Variants in FAM117A observed in about 807,000 individuals in gnomAD.
FAM117A encodes family with sequence similarity 117 member A, also known as protein FAM117A.
Under a neutral mutation model 44.1 loss-of-function variants are expected in FAM117A, and 21 were observed. That is an observed-to-expected ratio of 0.48 (90% confidence interval 0.34 to 0.69). The LOEUF is 0.69. Among genes scored for constraint, FAM117A ranks in the 30% least tolerant of loss-of-function variants. The probability of loss-of-function intolerance (pLI) is 0.01; values close to 1 mark genes in which losing one functional copy is unlikely to be tolerated. For missense variants in FAM117A, 498 were observed against 589.9 expected (o/e 0.84, Z 1.61); for synonymous variants, 220 against 238.3 (o/e 0.92, Z 0.71).
chr17:49,718,940 G>A (rs1281670272), intron 5 of FAM117A, among the ~76,000 whole-genome samples: 4 of 139,096 alleles, frequency 2.9e-5, no homozygotes, highest in Admixed American at 1.5e-4. Context: ...TGGCGCCACC[G>A]CACTCCAGCC....
At chr17:49,775,537 T>C (rs574690967) in intron 1 of FAM117A, among the ~76,000 whole-genome samples, 1 of 152,326 alleles carries the variant, frequency 6.6e-6, no homozygotes, top group African/African-American at 2.4e-5. Context: ...ACAGTGCTCC[T>C]TTCGGCAGGC....
intron 1 of FAM117A, among the ~76,000 whole-genome samples, chr17:49,761,176 C>T (rs555633982): frequency 6.6e-6 from 1 of 152,322 alleles, no homozygotes; most frequent in African/African-American, 2.4e-5. Context: ...AGTGGCGACC[C>T]TTAATTGTTC....
At chr17:49,734,861 G>A (rs183693277) in intron 1 of FAM117A, among the ~76,000 whole-genome samples, 67 of 152,232 alleles carry the variant, frequency 4.4e-4, no homozygotes, top group Non-Finnish European at 7.6e-4. Flanking sequence ...CAAAAGGAAG[G>A]CAATTCTGAC....
rs529328600 is a variant in FAM117A at position 49,762,105 on chromosome 17, C to T, written c.196+1787G>A. ...TAATGAACCCAGACATCCAAACCTA[C>T]GTTCTTCCCCCTTCCACAGCATCCA... On this transcript the variant is annotated intron_variant, in intron 1 of 7. Transcript: ENST00000240364. Among the ~76,000 whole-genome samples, 7 of 152,312 alleles carry T rather than the reference C, an allele frequency of 4.6e-5. No individual in the cohort carries two copies. The South Asian group carries it at 1.5e-3, about 32-fold the overall frequency.
At chr17:49,720,481 C>A in intron 3 of FAM117A, 45 bp from the exon 4 acceptor site, 1 of 1,492,086 alleles carries the variant, frequency 6.7e-7, no homozygotes. Flanking sequence ...TAAGGAAAGC[C>A]AAAGTGCACT....
chr17:49,756,916 CAAAA>C (rs59004870), intron 1 of FAM117A, among the ~76,000 whole-genome samples: 7 of 109,914 alleles, frequency 6.4e-5, no homozygotes, highest in Admixed American at 1.9e-4. Flanking sequence ...GACTCTGCCT[CAAAA>C]AAAAAAAAAA....
At chr17:49,720,458 G>A (rs768118160) in intron 3 of FAM117A, 22 bp from the exon 4 acceptor site, 13 of 1,600,862 alleles carry the variant, frequency 8.1e-6, no homozygotes, top group African/African-American at 1.3e-5. Flanking sequence ...GAGAGAAGAC[G>A]ACAGAGGCAG....
intron 1 of FAM117A, among the ~76,000 whole-genome samples, chr17:49,774,945 C>T (rs1333832390): frequency 6.6e-6 from 1 of 152,118 alleles, no homozygotes; most frequent in African/African-American, 2.4e-5. Flanking sequence ...GGGGTCTGTG[C>T]GAGTAATGGG....
At chr17:49,736,106 G>A (rs759985765) in intron 1 of FAM117A, among the ~76,000 whole-genome samples, 4 of 151,948 alleles carry the variant, frequency 2.6e-5, no homozygotes, top group Non-Finnish European at 2.9e-5. Context: ...GTATATATAC[G>A]CTTTACAATT....
chr17:49,761,396 C>T (rs1035355438), intron 1 of FAM117A, among the ~76,000 whole-genome samples: 3 of 152,182 alleles, frequency 2.0e-5, no homozygotes, highest in African/African-American at 4.8e-5. Flanking sequence ...CTCACCTTGG[C>T]GAGCAGAGGG....
At chr17:49,750,481 T>G (rs1385181018) in intron 1 of FAM117A, among the ~76,000 whole-genome samples, 1 of 127,612 alleles carries the variant, frequency 7.8e-6, no homozygotes, top group Non-Finnish European at 1.9e-5. Flanking sequence ...GCTTTAGAGA[T>G]GAGCTATTAC....
chr17:49,786,645 C>T (rs910796302), intron 1 of FAM117A, among the ~76,000 whole-genome samples: 23 of 152,040 alleles, frequency 1.5e-4, no homozygotes, highest in Non-Finnish European at 2.4e-4. Context: ...CATGTGGTGG[C>T]GGGCGCCTGT....
At chr17:49,751,993 C>A (rs944309087) in intron 1 of FAM117A, among the ~76,000 whole-genome samples, 2 of 149,984 alleles carry the variant, frequency 1.3e-5, no homozygotes, top group African/African-American at 2.5e-5. Flanking sequence ...CAATGGCTCA[C>A]GCCTGCAATC....
rs2073701395 is a variant in FAM117A at position 49,756,945 on chromosome 17, A to G, written c.196+6947T>C. ...AAAAAAAAAAAAAAAGAGAGAGAGA[A>G]AGAGGAGGCACCCCAAACCTACAGC... On this transcript the variant is annotated intron_variant, in intron 1 of 7. Coordinates refer to ENST00000240364, the MANE Select transcript of FAM117A (RefSeq NM_030802.4). Among the ~76,000 whole-genome samples, 3 of 151,438 alleles carry G rather than the reference A, an allele frequency of 2.0e-5. No individual in the cohort carries two copies. In the South Asian group the frequency reaches 6.3e-4, roughly 32 times the overall value.
At chr17:49,766,084 T>C (rs928775431), upstream of FAM117A, among the ~76,000 whole-genome samples, 3 of 152,126 alleles carry the variant, frequency 2.0e-5, no homozygotes, top group African/African-American at 7.3e-5. Flanking sequence ...GTACCATGCA[T>C]ACTTTATCTT....
chr17:49,788,819 G>A, upstream of FAM117A: 2 of 1,582,692 alleles, frequency 1.3e-6, no homozygotes, highest in Non-Finnish European at 1.7e-6. Flanking sequence ...GAACCGTCGG[G>A]CCGCAGCCGC....
intron 1 of FAM117A, among the ~76,000 whole-genome samples, chr17:49,785,691 C>T (rs1003716271): frequency 6.6e-6 from 1 of 152,118 alleles, no homozygotes. Context: ...GGGAAATGAA[C>T]AGAATTATCT....
In FAM117A at chr17:49,711,228, T is replaced by C. The variant is rs146025230; in HGVS notation, c.*27A>G. 2.7e-5 allele frequency: 43 copies of C among 1,563,916 alleles called. No homozygotes were observed. In the East Asian group the frequency reaches 8.8e-4, roughly 32 times the overall value. On this transcript the variant is annotated 3_prime_UTR_variant, in exon 8 of 8. Coordinates refer to ENST00000240364, the MANE Select transcript of FAM117A (RefSeq NM_030802.4). ...CCTGCCACCAAGGCACTGGTCTCTA[T>C]GGTAAAGTGGGGCAGGGGTGGGACC...
intron 1 of FAM117A, among the ~76,000 whole-genome samples, chr17:49,749,074 A>C (rs1339401799): frequency 3.3e-5 from 5 of 152,204 alleles, no homozygotes; most frequent in Non-Finnish European, 2.9e-5. Flanking sequence ...AATGTGCTGC[A>C]CTGAACCACG....
Sources: allele counts gnomAD v4.1 joint callset (sites outside exome capture counted in the v4.1 genomes callset), GRCh38; gene constraint gnomAD v4.1.1; transcripts MANE v1.5; gene names NCBI Gene and HGNC (gene_info 2026-07-23, HGNC 2026-07-21).